INTS2: variants seen among roughly 807,000 people sequenced by gnomAD.
The protein encoded by INTS2 is KIAA1287.
Under a neutral mutation model 139.6 loss-of-function variants are expected in INTS2, and 57 were observed. The ratio of observed to expected loss-of-function variants is 0.41; its 90% CI spans 0.33 to 0.51. The LOEUF (loss-of-function observed/expected upper bound fraction) is 0.51. Among genes scored for constraint, INTS2 ranks in the 20% least tolerant of loss-of-function variants. The probability of loss-of-function intolerance (pLI) is 0.28; values close to 1 mark genes in which losing one functional copy is unlikely to be tolerated. For missense variants in INTS2, 1,196 were observed against 1,436.7 expected (o/e 0.83, Z 2.71); for synonymous variants, 473 against 493.4 (o/e 0.96, Z 0.55).
At chr17:61,885,841 G>A (rs910469955) in intron 15 of INTS2, among the ~76,000 whole-genome samples, 2 of 148,010 alleles carry the variant, frequency 1.4e-5, no homozygotes, top group African/African-American at 5.0e-5. Context: ...TGATTCTCCT[G>A]CCTCAGCCTC....
In INTS2 at chr17:61,926,561, A is replaced by G. The variant is rs762141616; in HGVS notation, c.84T>C (p.Ser28=). Residue 28 remains serine, a synonymous_variant, in exon 2 of 25, where the codon TCT becomes TCC. Transcript: ENST00000251334. The part of the protein sequence containing the change: ...MQKVDVVCLA[S]LSDPELRLLL... The stretch of plus-strand genomic sequence containing the variant: ...GAAGTCTTAATTCTGGATCACTTAA[A>G]GATGCCAGGCAAACAACATCCACCT... The G allele has an allele frequency of 1.2e-6, 2 of 1,613,422 alleles. No homozygotes were observed. Among genetic ancestry groups the G allele is most frequent in the East Asian group, 2.2e-5 (1 of 44,880 alleles).
chr17:61,872,350 T>A lies in INTS2; in HGVS notation c.2693A>T (p.Gln898Leu), dbSNP rs1449036595. 1.2e-6 allele frequency: 2 copies of A among 1,613,074 alleles called. No individual in the cohort carries two copies. Among genetic ancestry groups the A allele is most frequent in the African/African-American group, 2.7e-5 (2 of 74,916 alleles). ...TCCAACTAAACCAATTGTATTATTC[T>A]GGGAAGGCCTATCTTGCTCTGTTTC... is the stretch of plus-strand genomic sequence containing the variant. Reference protein sequence around the residue: ...LKETEQDRPSQNNTIGLVGQT... With the variant: ...LKETEQDRPSLNNTIGLVGQT... The change falls in exon 20 of 25, where the codon CAG (glutamine) becomes CTG (leucine). Residue 898 changes from glutamine to leucine, a missense_variant. Gln to Leu is a moderately radical substitution (Grantham distance 113). Coordinates refer to ENST00000251334, the MANE Select transcript of INTS2 (RefSeq NM_001351695.2). The surrounding 1 kb of genome is among the most constrained non-coding windows in gnomAD (Gnocchi z 4.8).
At chr17:61,917,149 G>A (rs2079591157) in intron 5 of INTS2, among the ~76,000 whole-genome samples, 1 of 152,190 alleles carries the variant, frequency 6.6e-6, no homozygotes, top group African/African-American at 2.4e-5. Context: ...GTGCTAGCGA[G>A]GCTGTGGAGA....
Position 61,869,611 on chromosome 17 carries a change from A to T in INTS2, c.3030+126T>A, listed in dbSNP as rs971214727. 2 of 1,189,664 alleles carry T rather than the reference A, an allele frequency of 1.7e-6. No homozygotes were observed. Among genetic ancestry groups the T allele is most frequent in the Non-Finnish European group, 2.4e-6 (2 of 847,514 alleles). 73.7% of individuals were successfully genotyped at this position (1,189,664 alleles called of 1,614,324 possible). On this transcript the variant is annotated intron_variant, in intron 21 of 24. Transcript: ENST00000251334. The surrounding 1 kb of genome is among the most constrained non-coding windows in gnomAD (Gnocchi z 5.4). ...CAACTAAAAATCTGGATTTTTCTCC[A>T]TATTGCAAAAGCCCATGGATCATTT... is the stretch of plus-strand genomic sequence containing the variant.
chr17:61,907,858 C>T (rs773305279), intron 7 of INTS2, among the ~76,000 whole-genome samples: 6 of 152,150 alleles, frequency 3.9e-5, no homozygotes, highest in Non-Finnish European at 5.9e-5. Context: ...AGAGGAAAGA[C>T]TAAATTAGTG....
intron 11 of INTS2, 150 bp from the exon 12 acceptor site, chr17:61,895,533 C>CAT (rs1320909929): frequency 4.1e-6 from 2 of 490,062 alleles, no homozygotes; most frequent in African/African-American, 4.1e-5. Context: ...CCAAACCCAA[C>CAT]ATTAAAGTGT....
intron 14 of INTS2, among the ~76,000 whole-genome samples, chr17:61,891,310 C>T (rs180743236): frequency 6.6e-6 from 1 of 151,462 alleles, no homozygotes; most frequent in East Asian, 1.9e-4. Flanking sequence ...AAAACTCCAT[C>T]TCAAAAAAAA....
At position 61,897,212 on chromosome 17, in the gene INTS2, ATAG is replaced by A. The variant is rs1384757388; in HGVS notation, c.1494+254_1494+256del. Reference sequence around the variant, plus strand: ...AGAAAGAACAGACATCAGAATATTAATAGTAGTATACTAGGTATCTCTGAATCA... The same window carrying A: ...AGAAAGAACAGACATCAGAATATTAATAGTATACTAGGTATCTCTGAATCA... On this transcript the variant is annotated intron_variant, in intron 11 of 24. Transcript: ENST00000251334. This position sits in a 1 kb window ranked among gnomAD's most constrained non-coding sequence, Gnocchi z 4.4. 1.3e-5 allele frequency among the ~76,000 whole-genome samples: 2 copies of A among 152,180 alleles called. No individual in the cohort carries two copies. The highest frequency in any genetic ancestry group is 2.9e-5 in the Non-Finnish European group (2 of 68,018).
intron 5 of INTS2, among the ~76,000 whole-genome samples, chr17:61,914,684 C>A (rs2079561164): frequency 7.6e-6 from 1 of 131,926 alleles, no homozygotes; most frequent in African/African-American, 2.9e-5. Context: ...GCCTGGGCGA[C>A]AGAGTGAGAC....
At chr17:61,885,372 C>A (rs910490192) in intron 15 of INTS2, 3 of 186,952 alleles carry the variant, frequency 1.6e-5, no homozygotes, top group Non-Finnish European at 2.2e-5. Context: ...CCTAGAGCTT[C>A]ATGATTCCAA....
At chr17:61,910,994 T>C (rs555022279) in intron 7 of INTS2, 4 of 153,260 alleles carry the variant, frequency 2.6e-5, no homozygotes, top group African/African-American at 9.6e-5. Context: ...AAAACTATCA[T>C]TCTTCTCATT....
In INTS2 at chr17:61,881,188, A is replaced by T; in HGVS notation, c.2090-17T>A. ...AATGCAACCCTTGAAAATTTACAGA[A>T]AATCAATTGGATTCTTCATGCTCAA... On this transcript the variant is annotated splice_polypyrimidine_tract_variant and intron_variant, in intron 16 of 24. Transcript: ENST00000251334. The T allele has an allele frequency of 1.2e-6, 2 of 1,600,698 alleles. No individual in the cohort carries two copies. The highest frequency in any genetic ancestry group is 1.7e-6 in the Non-Finnish European group (2 of 1,172,446).
Position 61,867,565 on chromosome 17 carries a change from C to T in INTS2, c.3583G>A (p.Gly1195Arg), listed in dbSNP as rs201429545. ...TTGTTTTAAATTTTGTTTTAAATTC[C>T]ACTAACACTCATATTTATTATTTCA... ...VIEIINMSVS[G>R]I The change falls in exon 25 of 25, where the codon GGA (glycine) becomes AGA (arginine). Residue 1195 changes from glycine (G) to arginine (R), a missense_variant. Transcript: ENST00000251334. The surrounding 1 kb of genome is among the most constrained non-coding windows in gnomAD (Gnocchi z 5.6). 7 of 1,594,758 alleles carry T rather than the reference C, an allele frequency of 4.4e-6. No individual in the cohort carries two copies. In the African/African-American group the frequency reaches 8.1e-5, roughly 18 times the overall value.
chr17:61,910,244 G>A (rs1456090342), intron 7 of INTS2: 1 of 152,224 alleles, frequency 6.6e-6, no homozygotes, highest in East Asian at 1.9e-4. Flanking sequence ...GGGATGATAG[G>A]GGGAATGGGG....
chr17:61,872,335 C>A lies in INTS2; in HGVS notation c.2708G>T (p.Gly903Val), dbSNP rs749220940. ...QDRPSQNNTI[G>V]LVGQTDAPEV... ...CGGAGCATCAGTTTGTCCAACTAAA[C>A]CAATTGTATTATTCTGGGAAGGCCT... The change falls in exon 20 of 25, where the codon GGT (glycine) becomes GTT (valine). Residue 903 changes from glycine (G) to valine (V), a missense_variant. By Grantham distance (109) the Gly-to-Val change is moderately radical (BLOSUM62 -3). Coordinates refer to ENST00000251334, the MANE Select transcript of INTS2 (RefSeq NM_001351695.2). The surrounding 1 kb of genome is among the most constrained non-coding windows in gnomAD (Gnocchi z 4.8). The A allele has an allele frequency of 4.9e-5, 79 of 1,613,058 alleles. No individual in the cohort carries two copies. Among genetic ancestry groups the A allele is most frequent in the Non-Finnish European group, 6.4e-5 (75 of 1,179,396 alleles).
chr17:61,912,179 T>A, intron 5 of INTS2, 109 bp from the exon 6 acceptor site: 1 of 1,178,094 alleles, frequency 8.5e-7, no homozygotes, highest in Non-Finnish European at 1.2e-6. Context: ...CAACAGAAAT[T>A]GGCCAAAATG....
chr17:61,927,581 C>T (rs2079730681), intron 1 of INTS2, 73 bp downstream of exon 1: 3 of 1,156,160 alleles, frequency 2.6e-6, no homozygotes, highest in South Asian at 4.1e-5. Flanking sequence ...GTCCCTCAGG[C>T]TGAGCAAAGT....
intron 3 of INTS2, among the ~76,000 whole-genome samples, chr17:61,923,365 T>C (rs1400904819): frequency 1.3e-5 from 2 of 149,254 alleles, no homozygotes; most frequent in South Asian, 2.1e-4. Context: ...TAGTCCCAGC[T>C]ACTCGGGAGG....
chr17:61,889,625 G>T (rs187861252), intron 15 of INTS2, among the ~76,000 whole-genome samples, 161 bp downstream of exon 15: 14 of 152,240 alleles, frequency 9.2e-5, no homozygotes, highest in Admixed American at 3.9e-4. Flanking sequence ...CAACATACAT[G>T]ATTTATGTAT....
Sources: gnomAD v4.1 joint callset for allele counts (sites outside exome capture counted in the v4.1 genomes callset) on GRCh38, gnomAD v4.1.1 for gene constraint, Gnocchi (gnomAD v3.1) non-coding constraint, MANE v1.5 for transcripts, NCBI Gene and HGNC (gene_info 2026-07-23, HGNC 2026-07-21) for gene names.